Variants in DMD observed in about 807,000 individuals in gnomAD.
The protein encoded by DMD is dystrophin.
DMD carries 63 observed loss-of-function variants against 330.1 expected under a neutral mutation model. That is an observed-to-expected ratio of 0.19 (90% CI 0.16 to 0.24). The LOEUF (loss-of-function observed/expected upper bound fraction) is 0.24, where lower values mean the gene tolerates loss of function less well. Ranked by LOEUF, DMD falls within the 10% of genes least tolerant of loss-of-function variation. The pLI is 1.00. For synonymous variants in DMD, 1,223 were observed against 959.8 expected, an observed-to-expected ratio of 1.27 and a Z score of -5.07; for missense variants, 3,344 against 2,684.1, an observed-to-expected ratio of 1.25 and a Z score of -5.43.
chrX:32,664,844 G>C (rs2061203342), intron 9 of DMD, among the ~76,000 whole-genome samples: 1 of 111,819 alleles, frequency 8.9e-6, no homozygotes, highest in African/African-American at 3.3e-5. Context: ...CAGGAGGCTA[G>C]ATAAGATCAT....
intron 60 of DMD, among the ~76,000 whole-genome samples, chrX:31,356,924 CTTTTTTT>C (rs58097229): frequency 1.3e-5 from 1 of 74,290 alleles, no homozygotes; most frequent in African/African-American, 5.0e-5. Context: ...TTTCTTCTGC[CTTTTTTT>C]TTTTTTTTTT....
chrX:32,056,390 T>TAAAAAAAAAAAAAAAAAGAAAAAA (rs2096174509), intron 44 of DMD, among the ~76,000 whole-genome samples: 1 of 47,572 alleles, frequency 2.1e-5, no homozygotes, highest in African/African-American at 7.7e-5. Flanking sequence ...GTAGATTAAG[T>TAAAAAAAAAAAAAAAAAGAAAAAA]AAAAAAAAAA....
chrX:31,427,664 G>T (rs761576714), intron 60 of DMD, among the ~76,000 whole-genome samples: 5 of 111,954 alleles, frequency 4.5e-5, no homozygotes, highest in African/African-American at 6.5e-5. Context: ...TTGCAGTGTG[G>T]TGGTGGTGAG....
chrX:31,691,878 T>G (rs1275009843), intron 52 of DMD, among the ~76,000 whole-genome samples: 1 of 110,872 alleles, frequency 9.0e-6, no homozygotes, highest in East Asian at 2.8e-4. Flanking sequence ...GACAGAAAAA[T>G]TCATAAGAAA....
At chrX:32,564,158 T>C (rs183384256) in intron 16 of DMD, among the ~76,000 whole-genome samples, 1 of 111,829 alleles carries the variant, frequency 8.9e-6, no homozygotes, top group East Asian at 2.8e-4. Flanking sequence ...TTTAGGAATA[T>C]GCATTTTAAT....
chrX:32,406,227 GA>G (rs2098116293), intron 30 of DMD, among the ~76,000 whole-genome samples: 1 of 111,109 alleles, frequency 9.0e-6, no homozygotes, highest in African/African-American at 3.3e-5. Flanking sequence ...CTCTTTTCCT[GA>G]TTGAATACCC....
At chrX:31,879,217 G>GGGGT (rs748838447) in intron 47 of DMD, among the ~76,000 whole-genome samples, 1 of 103,781 alleles carries the variant, frequency 9.6e-6, no homozygotes, top group African/African-American at 3.5e-5. Context: ...GGCGGGGGGG[G>GGGGT]GCCTCACAAT....
chrX:31,541,835 A>G (rs999031546), intron 55 of DMD, among the ~76,000 whole-genome samples: 1 of 111,565 alleles, frequency 9.0e-6, no homozygotes, highest in African/African-American at 3.3e-5. Context: ...CAATGAAAAT[A>G]CGGTGTCCAA....
intron 63 of DMD, among the ~76,000 whole-genome samples, chrX:31,257,811 G>A (rs2050117699): frequency 8.9e-6 from 1 of 112,036 alleles, no homozygotes; most frequent in Admixed American, 9.4e-5. Context: ...TGGGTATGGT[G>A]GCGGGTGCCT....
At position 32,282,997 on chromosome X, in the gene DMD, T is replaced by C. The variant is rs569639834; in HGVS notation, c.6290+4532A>G. ...TCTATTGATGTCAGATTTGGCAACGTAATTTGCTTTGGCCAATCAAATGTC... is the reference window on the plus strand; with the variant it reads ...TCTATTGATGTCAGATTTGGCAACGCAATTTGCTTTGGCCAATCAAATGTC... On this transcript the variant is annotated intron_variant, in intron 43 of 78. Coordinates refer to ENST00000357033, the MANE Select transcript of DMD (RefSeq NM_004006.3). 8.9e-5 allele frequency among the ~76,000 whole-genome samples: 10 copies of C among 112,211 alleles called. No homozygotes were observed. The East Asian group carries it at 2.8e-3, about 31-fold the overall frequency.
intron 13 of DMD, among the ~76,000 whole-genome samples, chrX:32,582,067 T>C (rs1343288900): frequency 3.6e-5 from 4 of 111,743 alleles, no homozygotes; most frequent in African/African-American, 1.3e-4. Flanking sequence ...GGAAAGATCA[T>C]ACTTAATGAT....
At chrX:32,949,357 GAT>G (rs2091063177) in intron 2 of DMD, among the ~76,000 whole-genome samples, 9 of 82,557 alleles carry the variant, frequency 1.1e-4, no homozygotes, top group African/African-American at 5.6e-4. Flanking sequence ...TAGATAGATA[GAT>G]AGATAGATAG....
At chrX:32,616,809 A>G (rs1166593807) in intron 11 of DMD, among the ~76,000 whole-genome samples, 1 of 105,107 alleles carries the variant, frequency 9.5e-6, no homozygotes, top group African/African-American at 3.5e-5. Context: ...GGGTTGACAT[A>G]AAGAAGTGGA....
intron 55 of DMD, among the ~76,000 whole-genome samples, chrX:31,590,513 G>C (rs1301610732): frequency 9.0e-6 from 1 of 111,255 alleles, no homozygotes; most frequent in African/African-American, 3.3e-5. Context: ...CCCCATGCAT[G>C]ATCTGAATCA....
At chrX:32,804,118 C>G (rs187454865) in intron 7 of DMD, among the ~76,000 whole-genome samples, 1 of 111,347 alleles carries the variant, frequency 9.0e-6, no homozygotes, top group African/African-American at 3.3e-5. Flanking sequence ...GGAACGCCAG[C>G]GAGACAGAAC....
At chrX:32,035,997 G>A (rs761304731) in intron 44 of DMD, among the ~76,000 whole-genome samples, 2 of 111,666 alleles carry the variant, frequency 1.8e-5, no homozygotes, top group Non-Finnish European at 3.8e-5. Flanking sequence ...AAGTCCATCT[G>A]GGAAGGAAAA....
intron 1 of DMD, among the ~76,000 whole-genome samples, chrX:33,032,849 G>A (rs73621869): frequency 0.042 from 4,716 of 112,018 alleles, 252 homozygotes; most frequent in African/African-American, 0.14. Flanking sequence ...ATAAAGTTTC[G>A]GAGTAATCAT....
At chrX:33,256,615 G>A (rs2052860373) in intron 1 of DMD, among the ~76,000 whole-genome samples, 1 of 109,286 alleles carries the variant, frequency 9.2e-6, no homozygotes, top group African/African-American at 3.3e-5. Context: ...ATGTACACCT[G>A]TCATCTCAAA....
rs750468801 is a variant in DMD, at chrX:32,239,282, T to G, written c.6291-22219A>C. 3.1e-4 allele frequency among the ~76,000 whole-genome samples: 35 copies of G among 112,511 alleles called. No homozygotes were observed. In the South Asian group the frequency reaches 0.01, roughly 33 times the overall value. On this transcript the variant is annotated intron_variant, in intron 43 of 78. Transcript: ENST00000357033. Reference sequence around the variant, plus strand: ...CATTTTCCATGCTTTTGGCTATTTATACTGCTTTATGAGATATTTCTTCAA... The same window carrying G: ...CATTTTCCATGCTTTTGGCTATTTAGACTGCTTTATGAGATATTTCTTCAA...
Sources: gnomAD v4.1 joint callset for allele counts (sites outside exome capture counted in the v4.1 genomes callset) on GRCh38, gnomAD v4.1.1 for gene constraint, MANE v1.5 for transcripts, NCBI Gene and HGNC (gene_info 2026-07-23, HGNC 2026-07-21) for gene names.